CPNE5: variants seen among roughly 807,000 people sequenced by gnomAD.
CPNE5 encodes the protein copine 5.
A neutral mutation model predicts 81.1 loss-of-function variants in CPNE5; 42 were observed. The observed-to-expected ratio is 0.52, with a 90% CI of 0.40 to 0.67. The LOEUF (loss-of-function observed/expected upper bound fraction) is 0.67, where lower values mean the gene tolerates loss of function less well. Ranked by LOEUF, CPNE5 falls within the 30% of genes least tolerant of loss-of-function variation. The probability of loss-of-function intolerance (pLI) is 0.00; values close to 1 mark genes in which losing one functional copy is unlikely to be tolerated. For synonymous variants in CPNE5, 313 were observed against 321.5 expected (o/e 0.97, Z 0.28); for missense variants, 612 against 815.5 (o/e 0.75, Z 3.04).
intron 6 of CPNE5, among the ~76,000 whole-genome samples, chr6:36,795,522 C>G (rs1769486335): frequency 6.6e-6 from 1 of 152,094 alleles, no homozygotes; most frequent in Non-Finnish European, 1.5e-5. Context: ...AAAATGAGGT[C>G]ATGGCAGTGG....
chr6:36,744,557 A>T (rs1763915603), intron 18 of CPNE5: 1 of 578,092 alleles, frequency 1.7e-6, no homozygotes, highest in Non-Finnish European at 3.1e-6. Flanking sequence ...GGCAGGGGGA[A>T]TGGGTCATAG....
intron 8 of CPNE5, among the ~76,000 whole-genome samples, chr6:36,780,266 C>A (rs188549272): frequency 3.9e-5 from 6 of 152,152 alleles, no homozygotes; most frequent in South Asian, 2.1e-4. Flanking sequence ...CCTGGCCCCC[C>A]CTTCCTCTTA....
chr6:36,761,043 C>T (rs1765972352), intron 12 of CPNE5, among the ~76,000 whole-genome samples: 1 of 152,176 alleles, frequency 6.6e-6, no homozygotes, highest in African/African-American at 2.4e-5. Flanking sequence ...ACTGAGAAAA[C>T]AAGTCAATTG....
intron 12 of CPNE5, among the ~76,000 whole-genome samples, chr6:36,761,878 G>A (rs1340312689): frequency 3.9e-5 from 6 of 152,144 alleles, no homozygotes; most frequent in Admixed American, 6.5e-5. Context: ...AAGAAAGCAC[G>A]GGGACAAGAG....
intron 2 of CPNE5, 149 bp downstream of exon 2, chr6:36,822,909 A>G (rs1272937129): frequency 1.8e-6 from 1 of 568,876 alleles, no homozygotes; most frequent in Non-Finnish European, 2.8e-6. Context: ...TTTCTCAGAC[A>G]CTATGGGAGA....
At chr6:36,838,867 C>T (rs1773769985) in intron 1 of CPNE5, 1 of 375,680 alleles carries the variant, frequency 2.7e-6, no homozygotes, top group African/African-American at 2.2e-5. Context: ...GAGAGGAGGG[C>T]ACAGAAGGGA....
rs144479494 is a variant in CPNE5, at chr6:36,836,409, G to A, written c.95+2874C>T. Among the ~76,000 whole-genome samples, 104 of 152,270 alleles carry A rather than the reference G, an allele frequency of 6.8e-4. 4 individuals carry two copies. In the East Asian group the frequency reaches 0.017, roughly 25 times the overall value. On this transcript the variant is annotated intron_variant, in intron 1 of 20. Coordinates refer to ENST00000244751, the MANE Select transcript of CPNE5 (RefSeq NM_020939.2). ...AGGGGAGTGGTAGGCCCCTTCATGA[G>A]GAGGAAGGCAAGTGGAAACAAGTGT... is the stretch of plus-strand genomic sequence containing the variant.
intron 3 of CPNE5, among the ~76,000 whole-genome samples, chr6:36,817,361 A>T (rs1445920975): frequency 1.3e-5 from 2 of 152,130 alleles, no homozygotes; most frequent in Non-Finnish European, 2.9e-5. Context: ...GTGAAACAGC[A>T]TGTGCCCTAG....
rs570160230 is a variant in CPNE5, at chr6:36,794,582, C to T, written c.464+8G>A. 110 of 1,613,892 alleles carry T rather than the reference C, an allele frequency of 6.8e-5. No homozygotes were observed. The highest frequency in any genetic ancestry group is 9.1e-5 in the Non-Finnish European group (107 of 1,179,844). Reference sequence around the variant, plus strand: ...GGACTCCAGGGCCAGAGATGTCTGGCAACGTACCCGTTGGACACAGCTGGC... The same window carrying T: ...GGACTCCAGGGCCAGAGATGTCTGGTAACGTACCCGTTGGACACAGCTGGC... On this transcript the variant is annotated splice_region_variant and intron_variant, in intron 7 of 20. Transcript: ENST00000244751.
At chr6:36,821,256 T>G (rs1259732857) in intron 3 of CPNE5, among the ~76,000 whole-genome samples, 8 of 141,230 alleles carry the variant, frequency 5.7e-5, no homozygotes, top group East Asian at 2.1e-4. Flanking sequence ...TGGAGTGGAG[T>G]GGGGAGGGGC....
At chr6:36,833,400 C>T (rs12525912) in intron 1 of CPNE5, among the ~76,000 whole-genome samples, 3,899 of 152,228 alleles carry the variant, frequency 0.026, 124 homozygotes, top group South Asian at 0.11. Flanking sequence ...TGAGAGTGGG[C>T]GGGACCTGGG....
At chr6:36,762,348 T>TCACGCA (rs1554197419) in intron 12 of CPNE5, among the ~76,000 whole-genome samples, 42 of 145,252 alleles carry the variant, frequency 2.9e-4, no homozygotes, top group African/African-American at 1.0e-3. Context: ...AAATACATGC[T>TCACGCA]CACACACACA....
chr6:36,751,310 G>A (rs985419123), intron 14 of CPNE5, among the ~76,000 whole-genome samples: 2 of 152,188 alleles, frequency 1.3e-5, no homozygotes, highest in Non-Finnish European at 2.9e-5. Flanking sequence ...CACCCCACCC[G>A]CTAACTGCAA....
At chr6:36,753,519 C>T (rs1225899336) in intron 13 of CPNE5, among the ~76,000 whole-genome samples, 1 of 152,240 alleles carries the variant, frequency 6.6e-6, no homozygotes, top group Non-Finnish European at 1.5e-5. Flanking sequence ...TGGCACAGGC[C>T]TAACAACCTG....
intron 9 of CPNE5, among the ~76,000 whole-genome samples, chr6:36,776,984 A>C (rs978785140): frequency 1.7e-4 from 26 of 152,258 alleles, no homozygotes; most frequent in African/African-American, 6.3e-4. Flanking sequence ...GGGCCTCCGG[A>C]TCAGTTTCTT....
At chr6:36,745,297 G>A in intron 17 of CPNE5, 91 bp downstream of exon 17, 1 of 1,498,656 alleles carries the variant, frequency 6.7e-7, no homozygotes, top group Non-Finnish European at 9.0e-7. Flanking sequence ...AAGTGCGTGG[G>A]AAGAGAAACC....
At chr6:36,764,779 C>G (rs375880829) in intron 11 of CPNE5, among the ~76,000 whole-genome samples, 1 of 152,150 alleles carries the variant, frequency 6.6e-6, no homozygotes, top group Non-Finnish European at 1.5e-5. Context: ...CTCTCCCTTC[C>G]CACAGCCCAT....
chr6:36,798,090 C>T (rs1769757333), intron 6 of CPNE5, 75 bp downstream of exon 6: 5 of 1,154,876 alleles, frequency 4.3e-6, no homozygotes, highest in Non-Finnish European at 6.4e-6. Flanking sequence ...ACTGCTTTGT[C>T]CCCATCCTGA....
At chr6:36,819,038 G>A (rs1323713376) in intron 3 of CPNE5, among the ~76,000 whole-genome samples, 1 of 152,178 alleles carries the variant, frequency 6.6e-6, no homozygotes, top group South Asian at 2.1e-4. Flanking sequence ...ATAGACTCTT[G>A]GACAGGGTGG....
Sources: gnomAD v4.1 joint callset for allele counts (sites outside exome capture counted in the v4.1 genomes callset) on GRCh38, gnomAD v4.1.1 for gene constraint, MANE v1.5 for transcripts, NCBI Gene and HGNC (gene_info 2026-07-23, HGNC 2026-07-21) for gene names.